The following HDAC4 variants were observed in gnomAD, a reference collection of about 807,000 sequenced individuals.
The protein encoded by HDAC4 is histone deacetylase A.
HDAC4 carries 16 observed loss-of-function variants against 135.1 expected under a neutral mutation model. The ratio of observed to expected loss-of-function variants is 0.12; its 90% CI spans 0.08 to 0.18. The LOEUF is 0.18. Ranked by LOEUF, HDAC4 falls within the 10% of genes least tolerant of loss-of-function variation. The pLI, the probability that HDAC4 is intolerant of heterozygous loss-of-function variation, is 1.00. For synonymous variants in HDAC4, 685 were observed against 653.4 expected (o/e 1.05, Z -0.74); for missense variants, 1,143 against 1,511.8 (o/e 0.76, Z 4.05).
intron 2 of HDAC4, among the ~76,000 whole-genome samples, chr2:239,350,016 C>A (rs994549434): frequency 1.3e-5 from 2 of 152,274 alleles, no homozygotes; most frequent in African/African-American, 2.4e-5. Flanking sequence ...TGAACCGCAG[C>A]GGCTGAAATT....
At chr2:239,128,321 T>C (rs1002272103) in intron 11 of HDAC4, among the ~76,000 whole-genome samples, 2 of 151,494 alleles carry the variant, frequency 1.3e-5, no homozygotes, top group African/African-American at 4.8e-5. Context: ...GGTGGGTGGA[T>C]CACCTGAGGT....
chr2:239,167,177 T>G lies in HDAC4; in HGVS notation c.491-3254A>C, dbSNP rs1254738678. On this transcript the variant is annotated intron_variant, in intron 5 of 26. Transcript: ENST00000543185. The surrounding 1 kb of genome is among the most constrained non-coding windows in gnomAD (Gnocchi z 4.1). Reference sequence around the variant, plus strand: ...CACTTTCCAGTAGACCCAAACTCAGTGCAGTCAGCCTTACCTGCTCAAAAC... The same window carrying G: ...CACTTTCCAGTAGACCCAAACTCAGGGCAGTCAGCCTTACCTGCTCAAAAC... Among the ~76,000 whole-genome samples, 1 of 151,994 alleles carries G rather than the reference T, an allele frequency of 6.6e-6. No homozygotes were observed. The highest frequency in any genetic ancestry group is 1.5e-5 in the Non-Finnish European group (1 of 67,986).
rs530462794 is a variant in HDAC4, at chr2:239,190,134, C to T, written c.95-57G>A. 15 of 1,562,542 alleles carry T rather than the reference C, an allele frequency of 9.6e-6. No homozygotes were observed. In the African/African-American group the frequency reaches 2.0e-4, roughly 21 times the overall value. On this transcript the variant is annotated intron_variant, in intron 3 of 26. Transcript: ENST00000543185. ...CTGCCGCCCTTTGCTGTCCCTGGGC[C>T]CCAGAGCCCCCACCCAACACACTGG...
chr2:239,280,837 C>A (rs1415505062), intron 2 of HDAC4, among the ~76,000 whole-genome samples: 1 of 151,092 alleles, frequency 6.6e-6, no homozygotes, highest in Non-Finnish European at 1.5e-5. Context: ...AATGTACACA[C>A]CACTCTCCAC....
intron 2 of HDAC4, among the ~76,000 whole-genome samples, chr2:239,249,714 G>A (rs996902419): frequency 1.3e-5 from 2 of 151,492 alleles, no homozygotes; most frequent in African/African-American, 2.4e-5. Context: ...CAAATACCAC[G>A]CCATCCTGGG....
At chr2:239,055,963 TCAAA>T (rs1461656468) in intron 24 of HDAC4, among the ~76,000 whole-genome samples, 4 of 152,120 alleles carry the variant, frequency 2.6e-5, no homozygotes, top group Non-Finnish European at 5.9e-5. Flanking sequence ...CGACGACGTG[TCAAA>T]CAGAGGCCAT....
intron 12 of HDAC4, among the ~76,000 whole-genome samples, chr2:239,121,675 G>A (rs769259668): frequency 2.0e-5 from 3 of 152,230 alleles, no homozygotes; most frequent in South Asian, 2.1e-4. Context: ...TCTCCACACC[G>A]TGGGCCTCCG....
In HDAC4 at chr2:239,296,583, G is replaced by A. The variant is rs139743392; in HGVS notation, c.22+56095C>T. On this transcript the variant is annotated intron_variant, in intron 2 of 26. Transcript: ENST00000543185. ...CTGGCCGGCATTTAAGAGAAACTGCGCTGTTTTCTTTTTTAGGACTTCGCA... is the reference window on the plus strand; with the variant it reads ...CTGGCCGGCATTTAAGAGAAACTGCACTGTTTTCTTTTTTAGGACTTCGCA... Among the ~76,000 whole-genome samples, 659 of 152,276 alleles carry A rather than the reference G, an allele frequency of 4.3e-3. 5 individuals are homozygous for A. Among genetic ancestry groups the A allele is most frequent in the African/African-American group, 0.015 (611 of 41,530 alleles).
chr2:239,107,931 G>T (rs1282043745), intron 15 of HDAC4, 119 bp downstream of exon 15: 6 of 1,261,922 alleles, frequency 4.8e-6, no homozygotes, highest in East Asian at 2.4e-5. Flanking sequence ...CCCTTCCCCC[G>T]GGGCTGTAAG....
chr2:239,096,662 C>T (rs2037115352), intron 16 of HDAC4, among the ~76,000 whole-genome samples: 1 of 74,064 alleles, frequency 1.4e-5, no homozygotes. Context: ...CACTGATGCC[C>T]ACCCCCCCCA....
At chr2:239,388,632 T>TC (rs1381153745) in intron 1 of HDAC4, among the ~76,000 whole-genome samples, 2 of 152,166 alleles carry the variant, frequency 1.3e-5, no homozygotes, top group Non-Finnish European at 2.9e-5. Context: ...ATGGCCCTGA[T>TC]CCGTCCTCCA....
chr2:239,327,237 A>G (rs1332211759), intron 2 of HDAC4, among the ~76,000 whole-genome samples: 3 of 152,142 alleles, frequency 2.0e-5, no homozygotes, highest in African/African-American at 7.2e-5. Flanking sequence ...CCCACCTGGG[A>G]GGGAGGGTGT....
Position 239,051,020 on chromosome 2 carries a change from C to G in HDAC4, c.*2077G>C, listed in dbSNP as rs970516299. 2 of 152,590 alleles carry G rather than the reference C, an allele frequency of 1.3e-5. No individual in the cohort carries two copies. Among genetic ancestry groups the G allele is most frequent in the African/African-American group, 2.4e-5 (1 of 41,432 alleles). The allele number at this position is 152,590 out of a possible 1,614,324, so 9.5% of individuals were successfully genotyped here. A position where few individuals can be genotyped will look rare whatever the true frequency, so the allele number is the denominator to read the frequency against. ...GTGCCCCATGCATTGCTGACATGCT[C>G]AAAAGGTCTTTGGAAAACTCAAGTT... On this transcript the variant is annotated 3_prime_UTR_variant, in exon 27 of 27. Coordinates refer to ENST00000543185, the MANE Select transcript of HDAC4 (RefSeq NM_001378414.1).
chr2:239,162,230 T>C, intron 6 of HDAC4: 1 of 456,700 alleles, frequency 2.2e-6, no homozygotes. Flanking sequence ...CACTGTCTTC[T>C]CAAAGCTCGC....
In HDAC4 at chr2:239,134,454, C is replaced by A. The variant is rs770746965; in HGVS notation, c.1096-11G>T. On this transcript the variant is annotated splice_polypyrimidine_tract_variant and intron_variant, in intron 10 of 26. Coordinates refer to ENST00000543185, the MANE Select transcript of HDAC4 (RefSeq NM_001378414.1). ...CTGGCCCGCCGTGCCCTGGAAAGCA[C>A]AGCCAGGATGCTCGGGTGGAAGGAC... 17 of 1,613,688 alleles carry A rather than the reference C, an allele frequency of 1.1e-5. No individual in the cohort carries two copies. Among genetic ancestry groups the A allele is most frequent in the Non-Finnish European group, 1.2e-5 (14 of 1,179,914 alleles).
intron 3 of HDAC4, among the ~76,000 whole-genome samples, chr2:239,211,466 G>C (rs986327925): frequency 1.3e-5 from 2 of 152,162 alleles, no homozygotes; most frequent in African/African-American, 4.8e-5. Flanking sequence ...AGTCAAATGA[G>C]GATGAAGAAA....
intron 2 of HDAC4, among the ~76,000 whole-genome samples, chr2:239,269,006 G>A (rs745649381): frequency 1.3e-5 from 2 of 152,150 alleles, no homozygotes; most frequent in African/African-American, 4.8e-5. Context: ...AGCTTCCAGC[G>A]GCTTGATTCT....
rs71043188 is a variant in HDAC4 at position 239,357,888 on chromosome 2, C to CAA, written c.-219-4972_-219-4971dup. Among the ~76,000 whole-genome samples the CAA allele has an allele frequency of 4.2e-3, 232 of 55,640 alleles. 13 individuals are homozygous for CAA. Among genetic ancestry groups the CAA allele is most frequent in the Non-Finnish European group, 5.5e-3 (169 of 30,974 alleles). 36.5% of individuals were successfully genotyped at this position (55,640 alleles called of 152,430 possible). ...TGGGTGACAGAGCAAGCCTCTGTTC[C>CAA]AAAAAAAAAAAAAAAAAAAAAAAAA... On this transcript the variant is annotated intron_variant, in intron 1 of 26. Transcript: ENST00000543185.
chr2:239,261,190 C>A (rs1414603573), intron 2 of HDAC4, among the ~76,000 whole-genome samples: 2 of 152,154 alleles, frequency 1.3e-5, no homozygotes, highest in Non-Finnish European at 2.9e-5. Context: ...GCCCAGCTGG[C>A]CCATTCTGTA....
Sources: allele counts gnomAD v4.1 joint callset (sites outside exome capture counted in the v4.1 genomes callset), GRCh38; gene constraint gnomAD v4.1.1; non-coding constraint Gnocchi (gnomAD v3.1); transcripts MANE v1.5; gene names NCBI Gene and HGNC (gene_info 2026-07-23, HGNC 2026-07-21).